Variants in NUP62CL observed in about 807,000 individuals in gnomAD.
NUP62CL encodes the protein nucleoporin 62 C-terminal like.
NUP62CL carries 13 observed loss-of-function variants against 15.3 expected under a neutral mutation model. The ratio of observed to expected loss-of-function variants is 0.85; its 90% CI spans 0.55 to 1.35. The LOEUF is 1.35. Ranked by LOEUF, NUP62CL falls within the 40% of genes most tolerant of loss-of-function variation. The pLI is 0.00. For missense variants in NUP62CL, 123 were observed against 130.6 expected, an observed-to-expected ratio of 0.94 and a Z score of 0.28; for synonymous variants, 54 against 49.2, an observed-to-expected ratio of 1.10 and a Z score of -0.41.
intron 4 of NUP62CL, among the ~76,000 whole-genome samples, chrX:107,161,831 G>GAA (rs202175777): frequency 3.3e-5 from 3 of 91,118 alleles, no homozygotes; most frequent in Non-Finnish European, 4.4e-5. Flanking sequence ...TAAAAAAAAT[G>GAA]AAAAAAAAAT....
Position 107,153,266 on chromosome X carries a change from C to CCTG in NUP62CL, c.433_435dup (p.Gln145dup). The CCTG allele has an allele frequency of 8.3e-7, 1 of 1,207,912 alleles. No homozygotes were observed. ...AAATAAGTCAACAGAAATTCTAGTT[C>CCTG]CTGCTGCTGTGACAGGATAAAATCC... On this transcript the variant is annotated inframe_insertion, in exon 7 of 9. Coordinates refer to ENST00000372466, the MANE Select transcript of NUP62CL (RefSeq NM_017681.3).
intron 2 of NUP62CL, among the ~76,000 whole-genome samples, chrX:107,184,348 AAAG>A (rs1207794047): frequency 1.1e-5 from 1 of 90,887 alleles, no homozygotes; most frequent in East Asian, 3.6e-4. Flanking sequence ...AGAAAGAAAG[AAAG>A]AAAGAAACTA....
At chrX:107,162,974 C>T (rs990136565) in intron 4 of NUP62CL, among the ~76,000 whole-genome samples, 16 of 111,700 alleles carry the variant, frequency 1.4e-4, no homozygotes, top group Non-Finnish European at 2.6e-4. Flanking sequence ...AATGCACGCT[C>T]ACCTGCTGCT....
chrX:107,148,213 T>C (rs951779352), intron 7 of NUP62CL, among the ~76,000 whole-genome samples: 1 of 111,875 alleles, frequency 8.9e-6, no homozygotes, highest in Admixed American at 9.5e-5. Flanking sequence ...TACATTCATA[T>C]ATAGCCAATA....
At chrX:107,203,060 G>C (rs1348604336) in intron 1 of NUP62CL, among the ~76,000 whole-genome samples, 8 of 106,777 alleles carry the variant, frequency 7.5e-5, no homozygotes, top group Non-Finnish European at 1.2e-4. Flanking sequence ...CTAGCACATA[G>C]AAATCTTGAT....
At chrX:107,190,517 C>T (rs1927212273) in intron 2 of NUP62CL, among the ~76,000 whole-genome samples, 1 of 111,949 alleles carries the variant, frequency 8.9e-6, no homozygotes, top group African/African-American at 3.2e-5. Context: ...GGTTCTAAAC[C>T]TAAAACTATA....
At chrX:107,156,080 A>G (rs1287633914) in intron 4 of NUP62CL, among the ~76,000 whole-genome samples, 1 of 110,490 alleles carries the variant, frequency 9.1e-6, no homozygotes, top group East Asian at 2.9e-4. Flanking sequence ...ACCGGCTTAA[A>G]AAACGGCGCA....
intron 8 of NUP62CL, among the ~76,000 whole-genome samples, chrX:107,129,181 C>A (rs1466257691): frequency 2.7e-5 from 3 of 111,953 alleles, no homozygotes; most frequent in Non-Finnish European, 5.6e-5. Flanking sequence ...ATGAAAATTG[C>A]AGCTGGATTT....
intron 4 of NUP62CL, 31 bp from the exon 5 acceptor site, chrX:107,154,277 A>G: frequency 9.0e-7 from 1 of 1,112,088 alleles, no homozygotes; most frequent in Non-Finnish European, 1.2e-6. Context: ...GGATGATCCA[A>G]TAATCATACT....
rs775587975 is a variant in NUP62CL, at chrX:107,188,414, G to A, written c.-48+4615C>T. Reference sequence around the variant, plus strand: ...TGAAAAACTTCAACACCCAGTCATGGTAAAAACTCCCCCCCACCACTCCCC... The same window carrying A: ...TGAAAAACTTCAACACCCAGTCATGATAAAAACTCCCCCCCACCACTCCCC... On this transcript the variant is annotated intron_variant, in intron 2 of 8. Transcript: ENST00000372466. Among the ~76,000 whole-genome samples, 10 of 109,751 alleles carry A rather than the reference G, an allele frequency of 9.1e-5. No homozygotes were observed. The East Asian group carries it at 2.3e-3, about 25-fold the overall frequency.
rs1175802291 is a variant in NUP62CL, at chrX:107,167,642, G to C, written c.194+7C>G. On this transcript the variant is annotated splice_region_variant and intron_variant, in intron 4 of 8. Transcript: ENST00000372466. ...ACACATGCAAGTTTTTAAATAAATA[G>C]GCTTACCTAACAGTTGAAGTATAAG... is the stretch of plus-strand genomic sequence containing the variant. 22 of 1,150,898 alleles carry C rather than the reference G, an allele frequency of 1.9e-5. No individual in the cohort carries two copies. Among genetic ancestry groups the C allele is most frequent in the Non-Finnish European group, 2.3e-5 (20 of 854,559 alleles). 94.8% of individuals were successfully genotyped at this position (1,150,898 alleles called of 1,213,427 possible). A position where few individuals can be genotyped will look rare whatever the true frequency, so the allele number is the denominator to read the frequency against.
At chrX:107,167,840 C>T (rs1407921680) in intron 3 of NUP62CL, 56 bp from the exon 4 acceptor site, 2 of 1,063,155 alleles carry the variant, frequency 1.9e-6, no homozygotes, top group East Asian at 3.2e-5. Flanking sequence ...TTCATTTAAG[C>T]CTTGATCATT....
At chrX:107,204,223 A>G (rs1265814022) in intron 1 of NUP62CL, among the ~76,000 whole-genome samples, 6 of 111,291 alleles carry the variant, frequency 5.4e-5, no homozygotes, top group Non-Finnish European at 7.5e-5. Context: ...GGCTGCTATC[A>G]AGGCAGAATG....
chrX:107,123,792 C>T lies in NUP62CL; in HGVS notation c.*583G>A, dbSNP rs1925320038. 1 of 111,941 alleles carries T rather than the reference C, an allele frequency of 8.9e-6. No homozygotes were observed. Among genetic ancestry groups the T allele is most frequent in the African/African-American group, 3.3e-5 (1 of 30,708 alleles). The allele number at this position is 111,941 out of a possible 1,213,427, so 9.2% of individuals were successfully genotyped here. A position where few individuals can be genotyped will look rare whatever the true frequency, so the allele number is the denominator to read the frequency against. The stretch of plus-strand genomic sequence containing the variant: ...AACACACTTTCTATAATTCATACTG[C>T]ACTTCTTTATATTATCTATATTGTT... On this transcript the variant is annotated 3_prime_UTR_variant, in exon 9 of 9. Coordinates refer to ENST00000372466, the MANE Select transcript of NUP62CL (RefSeq NM_017681.3).
intron 1 of NUP62CL, among the ~76,000 whole-genome samples, chrX:107,193,733 C>T (rs1023405302): frequency 1.8e-4 from 20 of 108,691 alleles, no homozygotes; most frequent in African/African-American, 6.7e-4. Context: ...ACAAGATATA[C>T]AAAACATCTA....
At chrX:107,185,898 C>T (rs1269569278) in intron 2 of NUP62CL, among the ~76,000 whole-genome samples, 1 of 111,279 alleles carries the variant, frequency 9.0e-6, no homozygotes, top group Non-Finnish European at 1.9e-5. Context: ...TACCATGCAA[C>T]ATTTAACAAA....
intron 2 of NUP62CL, among the ~76,000 whole-genome samples, chrX:107,184,286 C>CAA (rs75935521): frequency 5.8e-4 from 26 of 44,795 alleles, no homozygotes; most frequent in African/African-American, 3.7e-3. Flanking sequence ...CGCCTCAGCA[C>CAA]AAAAAAAGAG....
chrX:107,130,240 A>G (rs1237810398), intron 8 of NUP62CL, among the ~76,000 whole-genome samples: 1 of 111,890 alleles, frequency 8.9e-6, no homozygotes, highest in African/African-American at 3.2e-5. Context: ...CTGATATTTC[A>G]GTATTTTGAG....
intron 4 of NUP62CL, among the ~76,000 whole-genome samples, chrX:107,158,845 GT>G (rs1272730686): frequency 1.4e-5 from 1 of 73,056 alleles, no homozygotes; most frequent in Non-Finnish European, 2.2e-5. Context: ...CCAGGAGCTG[GT>G]TTTTTGAAAG....
Sources: gnomAD v4.1 joint callset for allele counts (sites outside exome capture counted in the v4.1 genomes callset) on GRCh38, gnomAD v4.1.1 for gene constraint, MANE v1.5 for transcripts, NCBI Gene and HGNC (gene_info 2026-07-23, HGNC 2026-07-21) for gene names.